The following TRIM39 variants were observed in gnomAD, a reference collection of about 807,000 sequenced individuals.
TRIM39 encodes the protein E3 ubiquitin-protein ligase TRIM39.
TRIM39 carries 5 observed loss-of-function variants against 53.6 expected under a neutral mutation model. That is an observed-to-expected ratio of 0.09 (90% CI 0.05 to 0.20). The LOEUF (loss-of-function observed/expected upper bound fraction) is 0.20, where lower values mean the gene tolerates loss of function less well. TRIM39 is among the 10% of genes least tolerant of loss of function. The pLI, the probability that TRIM39 is intolerant of heterozygous loss-of-function variation, is 1.00. For missense variants in TRIM39, 310 were observed against 621.0 expected, an observed-to-expected ratio of 0.50 and a Z score of 5.32; for synonymous variants, 196 against 237.6, an observed-to-expected ratio of 0.82 and a Z score of 1.61.
chr6:30,340,207 C>T (rs556201544), intron 6 of TRIM39: 2 of 1,419,718 alleles, frequency 1.4e-6, no homozygotes, highest in African/African-American at 1.4e-5. Flanking sequence ...TGTGTCCAAA[C>T]AAGATGGCAG....
At chr6:30,333,827 G>T (rs1052715127) in intron 4 of TRIM39, among the ~76,000 whole-genome samples, 1 of 152,110 alleles carries the variant, frequency 6.6e-6, no homozygotes, top group Admixed American at 6.6e-5. Context: ...TATCCTCAGA[G>T]TGTGTTAACA....
chr6:30,331,060 A>G (rs1031353681), intron 4 of TRIM39, among the ~76,000 whole-genome samples, 184 bp downstream of exon 4: 34 of 152,222 alleles, frequency 2.2e-4, no homozygotes, highest in Admixed American at 5.2e-4. Flanking sequence ...GCTTGAGCTC[A>G]GGAGTTTGAG....
intron 4 of TRIM39, among the ~76,000 whole-genome samples, chr6:30,331,748 C>T (rs1232881253): frequency 6.6e-6 from 1 of 152,222 alleles, no homozygotes; most frequent in East Asian, 1.9e-4. Context: ...CCTATGCAGC[C>T]TTTCCTGACC....
Position 30,342,465 on chromosome 6 carries a change from CTG to C in TRIM39, c.*208_*209del. 2 of 611,076 alleles carry C rather than the reference CTG, an allele frequency of 3.3e-6. No individual in the cohort carries two copies. Among genetic ancestry groups the C allele is most frequent in the Non-Finnish European group, 5.7e-6 (2 of 348,804 alleles). The allele number at this position is 611,076 out of a possible 1,614,324, so 37.9% of individuals were successfully genotyped here. On this transcript the variant is annotated 3_prime_UTR_variant, in exon 8 of 8. Coordinates refer to ENST00000396551, the Ensembl canonical transcript of TRIM39. The surrounding 1 kb of genome is among the most constrained non-coding windows in gnomAD (Gnocchi z 4.7). The stretch of plus-strand genomic sequence containing the variant: ...GAGCACAGCTGTGACTTCCTCCTAA[CTG>C]TCAGGGTGGGGAGCTGGTTCCCAGA...
chr6:30,336,431 A>G lies in TRIM39; in HGVS notation c.780+456A>G, dbSNP rs184714199. 5.9e-5 allele frequency among the ~76,000 whole-genome samples: 9 copies of G among 152,342 alleles called. No homozygotes were observed. The East Asian group carries it at 1.5e-3, about 26-fold the overall frequency. ...CTTCAATAAAGCGAGTATCTTGATA[A>G]AGCAAGTCACATTAATTGTTGGGTT... On this transcript the variant is annotated intron_variant, in intron 5 of 7. Transcript: ENST00000396551.
In TRIM39 at chr6:30,329,053, G is replaced by T; in HGVS notation, c.-8+12G>T. 2 of 498,644 alleles carry T rather than the reference G, an allele frequency of 4.0e-6. No individual in the cohort carries two copies. Among genetic ancestry groups the T allele is most frequent in the East Asian group, 6.9e-5 (2 of 29,036 alleles). 30.9% of individuals were successfully genotyped at this position (498,644 alleles called of 1,614,324 possible). A position where few individuals can be genotyped will look rare whatever the true frequency, so the allele number is the denominator to read the frequency against. On this transcript the variant is annotated intron_variant, in intron 2 of 7. Transcript: ENST00000396551. ...AAGAGAAAGCAGAGGTAAGAGACAA[G>T]ATAGATCAATTGGGGGTTGTGTGTC...
chr6:30,340,532 G>A (rs1787389223), exon 7 of TRIM39: 1 of 1,612,914 alleles, frequency 6.2e-7, no homozygotes, highest in South Asian at 1.1e-5. Flanking sequence ...CCATGGAGGT[G>A]ACTTCAGTAT....
Position 30,335,826 on chromosome 6 carries a change from T to C in TRIM39, c.631T>C (p.Leu211=), listed in dbSNP as rs1227109682. The change falls in exon 5 of 8, where the codon TTG becomes CTG. Residue 211 remains leucine, a synonymous_variant. Transcript: ENST00000396551. This position sits in a 1 kb window ranked among gnomAD's most constrained non-coding sequence, Gnocchi z 4.7. ...GCGGCTGGATGAAGAGCAGCAGGTG[T>C]TGCTTTCACGACTGGAAGAAGAGGA... 2.5e-6 allele frequency: 4 copies of C among 1,612,736 alleles called. No individual in the cohort carries two copies. Among genetic ancestry groups the C allele is most frequent in the East Asian group, 2.2e-5 (1 of 44,892 alleles).
At chr6:30,343,151 A>G (rs1787738958) in exon 8 of TRIM39, 5 of 152,682 alleles carry the variant, frequency 3.3e-5, no homozygotes, top group Admixed American at 2.0e-4. Context: ...GGGTATTTGT[A>G]TACAAAGCCC....
chr6:30,341,682 C>T (rs1391032208), intron 7 of TRIM39, 30 bp from the exon 8 acceptor site: 1 of 1,591,140 alleles, frequency 6.3e-7, no homozygotes, highest in Non-Finnish European at 8.6e-7. Flanking sequence ...CCATCCTCAT[C>T]TAGCTCCCCA....
chr6:30,338,184 A>G lies in TRIM39; in HGVS notation c.781-1724A>G, dbSNP rs1338084692. Among the ~76,000 whole-genome samples the G allele has an allele frequency of 1.3e-5, 2 of 152,028 alleles. No individual in the cohort carries two copies. Among genetic ancestry groups the G allele is most frequent in the Non-Finnish European group, 2.9e-5 (2 of 68,004 alleles). The stretch of plus-strand genomic sequence containing the variant: ...TCACTTTCTTATCATTCATGTGTTC[A>G]CTGGAGTAGCACTTTTAATTTTCTT... On this transcript the variant is annotated intron_variant, in intron 5 of 7. Coordinates refer to ENST00000396551, the Ensembl canonical transcript of TRIM39. This position sits in a 1 kb window ranked among gnomAD's most constrained non-coding sequence, Gnocchi z 4.0.
intron 5 of TRIM39, among the ~76,000 whole-genome samples, chr6:30,337,622 A>G (rs557702833): frequency 1.3e-5 from 2 of 152,194 alleles, no homozygotes; most frequent in Non-Finnish European, 2.9e-5. Flanking sequence ...AGGCTTTGTT[A>G]TTCCATTTCT....
At chr6:30,331,213 G>A (rs927969881) in intron 4 of TRIM39, among the ~76,000 whole-genome samples, 9 of 151,482 alleles carry the variant, frequency 5.9e-5, no homozygotes, top group Admixed American at 5.9e-4. Flanking sequence ...AGGTTGCAGT[G>A]AGCCAAGATC....
At chr6:30,336,493 T>C (rs1181129335) in intron 5 of TRIM39, among the ~76,000 whole-genome samples, 1 of 152,244 alleles carries the variant, frequency 6.6e-6, no homozygotes, top group African/African-American at 2.4e-5. Context: ...TGGAGGGTCT[T>C]GTGTTAGTAT....
Position 30,335,616 on chromosome 6 carries a change from C to A in TRIM39, c.550-129C>A. On this transcript the variant is annotated intron_variant, in intron 4 of 7. Transcript: ENST00000396551. The surrounding 1 kb of genome is among the most constrained non-coding windows in gnomAD (Gnocchi z 4.7). ...GGGATTACAGTCATGTGTCACCACA[C>A]CCAGCCTTTGTTAAACCATTTTCAA... 7.8e-7 allele frequency: 1 copy of A among 1,278,236 alleles called. No individual in the cohort carries two copies. 79.2% of individuals were successfully genotyped at this position (1,278,236 alleles called of 1,614,324 possible).
chr6:30,338,176 A>G lies in TRIM39; in HGVS notation c.781-1732A>G, dbSNP rs9261659. On this transcript the variant is annotated intron_variant, in intron 5 of 7. Transcript: ENST00000396551. This position sits in a 1 kb window ranked among gnomAD's most constrained non-coding sequence, Gnocchi z 4.0. Reference sequence around the variant, plus strand: ...AAGCTGTTTCACTTTCTTATCATTCATGTGTTCACTGGAGTAGCACTTTTA... The same window carrying G: ...AAGCTGTTTCACTTTCTTATCATTCGTGTGTTCACTGGAGTAGCACTTTTA... 0.058 allele frequency among the ~76,000 whole-genome samples: 8,853 copies of G among 152,202 alleles called. 339 individuals are homozygous for G. The highest frequency in any genetic ancestry group is 0.096 in the Non-Finnish European group (6,536 of 67,998).
At chr6:30,328,211 A>G (rs1785642596) in intron 1 of TRIM39, among the ~76,000 whole-genome samples, 1 of 152,250 alleles carries the variant, frequency 6.6e-6, no homozygotes, top group South Asian at 2.1e-4. Flanking sequence ...GAGACACACT[A>G]TGCCCAGGGT....
rs1250198226 is a variant in TRIM39 at position 30,335,641 on chromosome 6, A to G, written c.550-104A>G. 13 of 1,410,170 alleles carry G rather than the reference A, an allele frequency of 9.2e-6. No individual in the cohort carries two copies. Among genetic ancestry groups the G allele is most frequent in the East Asian group, 2.5e-5 (1 of 40,210 alleles). The allele number at this position is 1,410,170 out of a possible 1,614,324, so 87.4% of individuals were successfully genotyped here. On this transcript the variant is annotated intron_variant, in intron 4 of 7. Coordinates refer to ENST00000396551, the Ensembl canonical transcript of TRIM39. This position sits in a 1 kb window ranked among gnomAD's most constrained non-coding sequence, Gnocchi z 4.7. The stretch of plus-strand genomic sequence containing the variant: ...CCCAGCCTTTGTTAAACCATTTTCA[A>G]TGAAACTGGAAGTCTGTGTTAATTC...
chr6:30,326,957 G>C (rs1025195118), exon 1 of TRIM39: 1 of 152,178 alleles, frequency 6.6e-6, no homozygotes, highest in Non-Finnish European at 1.5e-5. Context: ...GCGCTCCGGC[G>C]GCTCCGCGCC....
Sources: gnomAD v4.1 joint callset for allele counts (sites outside exome capture counted in the v4.1 genomes callset) on GRCh38, gnomAD v4.1.1 for gene constraint, Gnocchi (gnomAD v3.1) non-coding constraint, MANE v1.5 for transcripts, NCBI Gene and HGNC (gene_info 2026-07-23, HGNC 2026-07-21) for gene names.